RALYL: variants seen among roughly 807,000 people sequenced by gnomAD.
RALYL encodes the protein RALY RNA binding protein like.
RALYL carries 29 observed loss-of-function variants against 35.1 expected under a neutral mutation model. The ratio of observed to expected loss-of-function variants is 0.83; its 90% confidence interval spans 0.61 to 1.13. The LOEUF is 1.13. RALYL is among the 50% of genes most tolerant of loss of function. The pLI, the probability that RALYL is intolerant of heterozygous loss-of-function variation, is 0.00. For missense variants in RALYL, 359 were observed against 360.4 expected, an observed-to-expected ratio of 1.00 and a Z score of 0.03; for synonymous variants, 120 against 127.6, an observed-to-expected ratio of 0.94 and a Z score of 0.40.
chr8:84,727,956 C>A (rs1228081127), intron 2 of RALYL, among the ~76,000 whole-genome samples: 1 of 151,902 alleles, frequency 6.6e-6, no homozygotes, highest in Admixed American at 6.6e-5. Context: ...GTCTTTATAG[C>A]AGCATGATTT....
chr8:84,575,174 T>G (rs537139791), intron 2 of RALYL, among the ~76,000 whole-genome samples: 12 of 152,152 alleles, frequency 7.9e-5, no homozygotes, highest in Non-Finnish European at 1.8e-4. Flanking sequence ...AATCTCCCAT[T>G]AAAACCCCCA....
chr8:84,656,535 CAG>C (rs1159643996), intron 2 of RALYL, among the ~76,000 whole-genome samples: 1 of 151,946 alleles, frequency 6.6e-6, no homozygotes, highest in Non-Finnish European at 1.5e-5. Context: ...ACAAGAAAAC[CAG>C]AGTTTCAGAA....
At position 84,490,281 on chromosome 8, in the gene RALYL, G is replaced by A. The variant is rs185432513; in HGVS notation, c.-23-39018G>A. Among the ~76,000 whole-genome samples, 22 of 151,878 alleles carry A rather than the reference G, an allele frequency of 1.4e-4. No individual in the cohort carries two copies. The East Asian group carries it at 4.3e-3, about 30-fold the overall frequency. The stretch of plus-strand genomic sequence containing the variant: ...TTATACCATCTCTTCTGCTTACTGG[G>A]GCGATTTCAGAGCTGCCACCTGGCT... On this transcript the variant is annotated intron_variant, in intron 1 of 8. Transcript: ENST00000521268.
intron 5 of RALYL, among the ~76,000 whole-genome samples, chr8:84,856,995 T>A (rs553237191): frequency 3.0e-4 from 38 of 125,930 alleles, no homozygotes; most frequent in Non-Finnish European, 3.7e-4. Context: ...GCCACTGCAG[T>A]CCGCAGTCCG....
intron 2 of RALYL, among the ~76,000 whole-genome samples, chr8:84,607,412 G>C (rs1402238554): frequency 6.6e-6 from 1 of 152,086 alleles, no homozygotes; most frequent in African/African-American, 2.4e-5. Context: ...TTTTTAAACT[G>C]TGAGTTAGAG....
intron 1 of RALYL, among the ~76,000 whole-genome samples, chr8:84,264,962 G>A (rs1833012026): frequency 6.6e-6 from 1 of 152,216 alleles, no homozygotes. Flanking sequence ...GTTAGAAAAA[G>A]TATTAAAGGC....
chr8:84,613,982 G>C (rs929251992), intron 2 of RALYL, among the ~76,000 whole-genome samples: 9 of 150,466 alleles, frequency 6.0e-5, no homozygotes, highest in Admixed American at 2.0e-4. Context: ...CTTGAGTCAA[G>C]GGGTCTTCTC....
At chr8:84,786,114 G>T (rs1036353078) in intron 3 of RALYL, among the ~76,000 whole-genome samples, 2 of 152,162 alleles carry the variant, frequency 1.3e-5, no homozygotes, top group African/African-American at 4.8e-5. Flanking sequence ...GTTTGCTGAG[G>T]ATAATGACTT....
intron 1 of RALYL, among the ~76,000 whole-genome samples, chr8:84,193,430 T>C (rs1814475526): frequency 6.6e-6 from 1 of 152,146 alleles, no homozygotes; most frequent in African/African-American, 2.4e-5. Flanking sequence ...GGAAGAGAAT[T>C]GAATCAGTTC....
chr8:84,307,302 A>G (rs1463997057), intron 1 of RALYL, among the ~76,000 whole-genome samples: 1 of 152,180 alleles, frequency 6.6e-6, no homozygotes, highest in Non-Finnish European at 1.5e-5. Context: ...CTCAAAACCT[A>G]TCTTGGCAGA....
chr8:84,207,254 A>G (rs1451357125), intron 1 of RALYL, among the ~76,000 whole-genome samples: 1 of 152,116 alleles, frequency 6.6e-6, no homozygotes, highest in Non-Finnish European at 1.5e-5. Flanking sequence ...AAAATATGGA[A>G]ACAACCTAAG....
chr8:84,777,212 C>A (rs1418717376), intron 3 of RALYL, among the ~76,000 whole-genome samples: 1 of 152,110 alleles, frequency 6.6e-6, no homozygotes, highest in Non-Finnish European at 1.5e-5. Flanking sequence ...GAAATGTGCT[C>A]GGTTTTCAGC....
At chr8:84,387,631 A>G (rs182599398) in intron 1 of RALYL, among the ~76,000 whole-genome samples, 4 of 151,754 alleles carry the variant, frequency 2.6e-5, no homozygotes, top group African/African-American at 9.6e-5. Flanking sequence ...TGTGTAAACT[A>G]TTCAGAGAAC....
chr8:84,645,102 T>C (rs951651602), intron 2 of RALYL, among the ~76,000 whole-genome samples: 1 of 152,036 alleles, frequency 6.6e-6, no homozygotes, highest in Non-Finnish European at 1.5e-5. Context: ...ATAAGCCAAA[T>C]TGAAATTTTA....
At chr8:84,475,305 A>G (rs955952820) in intron 1 of RALYL, among the ~76,000 whole-genome samples, 1 of 152,018 alleles carries the variant, frequency 6.6e-6, no homozygotes. Flanking sequence ...TTTGACTTCC[A>G]GAGCTCAAAT....
chr8:84,908,342 T>C (rs1158425378), intron 8 of RALYL, among the ~76,000 whole-genome samples: 1 of 152,166 alleles, frequency 6.6e-6, no homozygotes, highest in African/African-American at 2.4e-5. Context: ...TTGTACTCTT[T>C]GACAGACATC....
intron 2 of RALYL, among the ~76,000 whole-genome samples, chr8:84,701,023 G>T (rs1409339287): frequency 6.6e-6 from 1 of 152,144 alleles, no homozygotes; most frequent in East Asian, 1.9e-4. Flanking sequence ...GAGGAGAAAA[G>T]CCAGTGTTAC....
At chr8:84,869,026 TAAAG>T (rs1839702733) in intron 6 of RALYL, among the ~76,000 whole-genome samples, 1 of 151,844 alleles carries the variant, frequency 6.6e-6, no homozygotes, top group Admixed American at 6.6e-5. Flanking sequence ...TATATATATA[TAAAG>T]AAAGGGACAG....
intron 2 of RALYL, among the ~76,000 whole-genome samples, chr8:84,588,768 A>G (rs1253839101): frequency 6.6e-6 from 1 of 152,214 alleles, no homozygotes; most frequent in Non-Finnish European, 1.5e-5. Flanking sequence ...CAGACCTCAA[A>G]TGGAGGGAAA....
Sources: gnomAD v4.1 joint callset for allele counts (sites outside exome capture counted in the v4.1 genomes callset) on GRCh38, gnomAD v4.1.1 for gene constraint, MANE v1.5 for transcripts, NCBI Gene and HGNC (gene_info 2026-07-23, HGNC 2026-07-21) for gene names.